Variants in INPP5B observed in about 807,000 individuals in gnomAD.
INPP5B encodes the protein type II inositol 1,4,5-trisphosphate 5-phosphatase.
A neutral mutation model predicts 118.5 loss-of-function variants in INPP5B; 90 were observed. That is an observed-to-expected ratio of 0.76 (90% CI 0.64 to 0.90). The LOEUF is 0.90. INPP5B is among the 40% of genes least tolerant of loss of function. The pLI is 0.00. For missense variants in INPP5B, 984 were observed against 1,125.6 expected (o/e 0.87, Z 1.80); for synonymous variants, 385 against 418.9 (o/e 0.92, Z 0.99).
At chr1:37,933,749 A>G (rs1234390670) in intron 6 of INPP5B, among the ~76,000 whole-genome samples, 1 of 141,750 alleles carries the variant, frequency 7.1e-6, no homozygotes, top group Non-Finnish European at 1.6e-5. Flanking sequence ...AAATAAATAA[A>G]TAAATAAATA....
intron 7 of INPP5B, among the ~76,000 whole-genome samples, chr1:37,893,091 T>C (rs1229824315): frequency 1.8e-4 from 14 of 76,848 alleles, no homozygotes; most frequent in South Asian, 4.8e-4. Flanking sequence ...TTTTCTTTTT[T>C]TTTTTTTTTT....
intron 7 of INPP5B, among the ~76,000 whole-genome samples, chr1:37,914,903 A>C (rs931827590): frequency 6.6e-6 from 1 of 152,114 alleles, no homozygotes; most frequent in Non-Finnish European, 1.5e-5. Flanking sequence ...CACCCTAAAC[A>C]AACAGTCCCC....
rs1641740502 is a variant in INPP5B, at chr1:37,862,241, T to G, written c.*74A>C. On this transcript the variant is annotated 3_prime_UTR_variant, in exon 24 of 24. Coordinates refer to ENST00000373024, the MANE Select transcript of INPP5B (RefSeq NM_005540.3). ...ACCAAGTGGCCTCACATAATTATCT[T>G]AAGGCATCTCTTGAGCTGAAACAGG... is the stretch of plus-strand genomic sequence containing the variant. The G allele has an allele frequency of 2.1e-6, 2 of 966,104 alleles. No individual in the cohort carries two copies. Among genetic ancestry groups the G allele is most frequent in the African/African-American group, 1.6e-5 (1 of 61,646 alleles). The allele number at this position is 966,104 out of a possible 1,614,324, so 59.8% of individuals were successfully genotyped here.
intron 14 of INPP5B, among the ~76,000 whole-genome samples, chr1:37,881,020 G>A (rs1052422089): frequency 6.6e-6 from 1 of 152,194 alleles, no homozygotes; most frequent in Non-Finnish European, 1.5e-5. Context: ...ATTGTGTCTG[G>A]CTAAGGCTCT....
intron 6 of INPP5B, among the ~76,000 whole-genome samples, chr1:37,940,445 C>G (rs1645869302): frequency 6.6e-6 from 1 of 152,198 alleles, no homozygotes; most frequent in African/African-American, 2.4e-5. Context: ...CTGTGCAACC[C>G]TGCCCAGAGC....
chr1:37,864,051 G>A (rs1032256164), intron 23 of INPP5B, among the ~76,000 whole-genome samples: 3 of 151,932 alleles, frequency 2.0e-5, no homozygotes, highest in African/African-American at 7.3e-5. Context: ...CTGACCTCAG[G>A]TGATCCGTCC....
chr1:37,918,190 C>T (rs1016516156), intron 7 of INPP5B, among the ~76,000 whole-genome samples: 10 of 152,134 alleles, frequency 6.6e-5, no homozygotes, highest in Non-Finnish European at 1.0e-4. Flanking sequence ...CAGGAGTCTC[C>T]CAACTAAGAG....
At chr1:37,943,929 G>C (rs374124025) in intron 3 of INPP5B, 36 bp from the exon 4 acceptor site, 1 of 1,477,400 alleles carries the variant, frequency 6.8e-7, no homozygotes, top group Non-Finnish European at 9.5e-7. Flanking sequence ...ATGGGGGCCC[G>C]CTGGCTGTCC....
At chr1:37,910,474 T>C (rs1276443096) in intron 7 of INPP5B, among the ~76,000 whole-genome samples, 1 of 152,062 alleles carries the variant, frequency 6.6e-6, no homozygotes, top group African/African-American at 2.4e-5. Context: ...CCACACCTCA[T>C]TGCCTCCTTT....
chr1:37,891,573 G>A (rs1643847636), intron 7 of INPP5B, 119 bp from the exon 8 acceptor site: 5 of 637,946 alleles, frequency 7.8e-6, no homozygotes, highest in African/African-American at 1.8e-5. Flanking sequence ...TCGGGAGTTC[G>A]AGACCAGCCT....
At chr1:37,937,256 A>G (rs1645732522) in intron 6 of INPP5B, among the ~76,000 whole-genome samples, 1 of 152,084 alleles carries the variant, frequency 6.6e-6, no homozygotes, top group Non-Finnish European at 1.5e-5. Context: ...GGTTGCAGTG[A>G]GCCAAGATGG....
intron 7 of INPP5B, among the ~76,000 whole-genome samples, chr1:37,902,143 C>A (rs141060518): frequency 0.017 from 2,595 of 151,962 alleles, 60 homozygotes; most frequent in African/African-American, 0.048. Flanking sequence ...TGCACCACCA[C>A]GCCCAGCTAA....
rs147456220 is a variant in INPP5B at position 37,931,107 on chromosome 1, A to G, written c.532+806T>C. 1.3e-4 allele frequency: 22 copies of G among 170,244 alleles called. No individual in the cohort carries two copies. The East Asian group carries it at 3.9e-3, about 31-fold the overall frequency. The allele number at this position is 170,244 out of a possible 1,614,324, so 10.5% of individuals were successfully genotyped here. On this transcript the variant is annotated intron_variant, in intron 7 of 23. Coordinates refer to ENST00000373024, the MANE Select transcript of INPP5B (RefSeq NM_005540.3). ...CTTCTGTGCTCCCCATTATCCACCA[A>G]CTGCTGGGTGGGAAAAAACCTAGTC...
intron 7 of INPP5B, among the ~76,000 whole-genome samples, chr1:37,910,802 C>G (rs1055362392): frequency 6.6e-6 from 1 of 152,146 alleles, no homozygotes; most frequent in Admixed American, 6.5e-5. Context: ...CCCTATCGAC[C>G]AAATTGTCTT....
At chr1:37,863,322 C>A (rs1280157829) in intron 23 of INPP5B, among the ~76,000 whole-genome samples, 1 of 151,718 alleles carries the variant, frequency 6.6e-6, no homozygotes, top group Non-Finnish European at 1.5e-5. Context: ...TGAGACCATC[C>A]TGGCCAACAT....
At chr1:37,897,111 G>A (rs1385430189) in intron 7 of INPP5B, among the ~76,000 whole-genome samples, 14 of 149,616 alleles carry the variant, frequency 9.4e-5, no homozygotes, top group Non-Finnish European at 1.8e-4. Context: ...AGGGAGGTCG[G>A]GGGGGTCAGA....
chr1:37,865,744 T>C lies in INPP5B; in HGVS notation c.2514+17A>G, dbSNP rs2148444499. The C allele has an allele frequency of 6.2e-7, 1 of 1,611,452 alleles. No homozygotes were observed. Among genetic ancestry groups the C allele is most frequent in the Non-Finnish European group, 8.5e-7 (1 of 1,178,448 alleles). ...GGGTCTGGGGCTAACCACATGCTGC[T>C]CAATGCTTCCTCTCACCTGTTTGCT... On this transcript the variant is annotated intron_variant, in intron 22 of 23. Transcript: ENST00000373024.
chr1:37,940,804 C>A lies in INPP5B; in HGVS notation c.281-6G>T, dbSNP rs1159969991. On this transcript the variant is annotated splice_polypyrimidine_tract_variant and splice_region_variant and intron_variant, in intron 5 of 23. Coordinates refer to ENST00000373024, the MANE Select transcript of INPP5B (RefSeq NM_005540.3). ...CTGGACGGTCACATCTGAGCCTGCA[C>A]AAAGGAGGCAGGAAATGAACCCTTG... is the stretch of plus-strand genomic sequence containing the variant. 2 of 1,603,140 alleles carry A rather than the reference C, an allele frequency of 1.2e-6. No homozygotes were observed. The highest frequency in any genetic ancestry group is 2.7e-5 in the African/African-American group (2 of 74,660).
At chr1:37,883,266 C>T (rs1257253198) in intron 13 of INPP5B, 3 of 985,292 alleles carry the variant, frequency 3.0e-6, no homozygotes, top group Non-Finnish European at 3.6e-6. Flanking sequence ...GCCAATCACC[C>T]AGAGATCCCA....
Sources: allele counts gnomAD v4.1 joint callset (sites outside exome capture counted in the v4.1 genomes callset), GRCh38; gene constraint gnomAD v4.1.1; transcripts MANE v1.5; gene names NCBI Gene and HGNC (gene_info 2026-07-23, HGNC 2026-07-21).